TESK2: variants seen among roughly 807,000 people sequenced by gnomAD.
The protein encoded by TESK2 is dual specificity testis-specific protein kinase 2.
In TESK2, 39 loss-of-function variants were observed where a neutral mutation model predicts 57.1. That is an observed-to-expected ratio of 0.68 (90% CI 0.53 to 0.89). TESK2 has a LOEUF of 0.89. TESK2 is among the 40% of genes least tolerant of loss of function. The probability of loss-of-function intolerance (pLI) is 0.00; values close to 1 mark genes in which losing one functional copy is unlikely to be tolerated. For synonymous variants in TESK2, 249 were observed against 267.9 expected, an observed-to-expected ratio of 0.93 and a Z score of 0.69; for missense variants, 646 against 732.1, an observed-to-expected ratio of 0.88 and a Z score of 1.36.
intron 1 of TESK2, among the ~76,000 whole-genome samples, chr1:45,473,145 G>A (rs1263805419): frequency 1.5e-5 from 2 of 135,376 alleles, no homozygotes; most frequent in African/African-American, 2.7e-5. Flanking sequence ...GTAAGACTCC[G>A]TCTCAAAAAA....
At chr1:45,353,997 T>G (rs1457745533) in intron 5 of TESK2, among the ~76,000 whole-genome samples, 1 of 152,202 alleles carries the variant, frequency 6.6e-6, no homozygotes, top group Non-Finnish European at 1.5e-5. Flanking sequence ...CCTAAAAACC[T>G]GCATTCAAGT....
intron 1 of TESK2, among the ~76,000 whole-genome samples, chr1:45,470,459 C>T (rs145794986): frequency 2.0e-5 from 3 of 152,256 alleles, no homozygotes; most frequent in Non-Finnish European, 4.4e-5. Context: ...CCATTCAAAC[C>T]AAAGGCAATC....
chr1:45,369,702 G>C (rs1648096528), intron 4 of TESK2, among the ~76,000 whole-genome samples: 1 of 151,460 alleles, frequency 6.6e-6, no homozygotes, highest in African/African-American at 2.4e-5. Context: ...GGTCTTGAAG[G>C]TAAGATAATT....
At chr1:45,347,780 TACAGACGAGG>T in intron 6 of TESK2, 87 bp from the exon 7 acceptor site, 1 of 1,503,644 alleles carries the variant, frequency 6.7e-7, no homozygotes, top group East Asian at 2.3e-5. Context: ...CAAGGATGGG[TACAGACGAGG>T]ACTAAACAAA....
intron 1 of TESK2, among the ~76,000 whole-genome samples, chr1:45,482,695 T>C (rs2149308378): frequency 6.6e-6 from 1 of 151,472 alleles, no homozygotes. Flanking sequence ...AAATTATACC[T>C]GGGGCCAGGC....
intron 4 of TESK2, 145 bp from the exon 5 acceptor site, chr1:45,355,594 G>T: frequency 1.2e-6 from 1 of 811,316 alleles, no homozygotes; most frequent in Non-Finnish European, 1.9e-6. Context: ...CAAGCACTAT[G>T]GTAGGTGCTG....
At chr1:45,457,459 G>C in intron 2 of TESK2, 105 bp downstream of exon 2, 1 of 990,618 alleles carries the variant, frequency 1.0e-6, no homozygotes, top group South Asian at 1.4e-5. Flanking sequence ...AAGATCCACA[G>C]CACCTTTATT....
At chr1:45,394,067 T>TG (rs1241403137) in intron 3 of TESK2, among the ~76,000 whole-genome samples, 14 of 152,272 alleles carry the variant, frequency 9.2e-5, no homozygotes, top group Admixed American at 9.2e-4. Flanking sequence ...TTAATGCATG[T>TG]GCTTTGAGAG....
At chr1:45,474,290 T>C (rs1392204534) in intron 1 of TESK2, among the ~76,000 whole-genome samples, 1 of 151,954 alleles carries the variant, frequency 6.6e-6, no homozygotes, top group Admixed American at 6.6e-5. Flanking sequence ...TGAGCCAAGA[T>C]TGCACTCTAG....
At chr1:45,362,812 A>C (rs1338992712) in intron 4 of TESK2, among the ~76,000 whole-genome samples, 1 of 152,196 alleles carries the variant, frequency 6.6e-6, no homozygotes, top group African/African-American at 2.4e-5. Flanking sequence ...CACAAAGATA[A>C]ATGGGGCCAG....
chr1:45,416,599 T>A (rs1480121755), intron 3 of TESK2, among the ~76,000 whole-genome samples: 1 of 152,236 alleles, frequency 6.6e-6, no homozygotes, highest in Non-Finnish European at 1.5e-5. Context: ...CTGGATCATA[T>A]AGCAGTTCTA....
intron 1 of TESK2, among the ~76,000 whole-genome samples, chr1:45,464,568 G>A (rs1248102099): frequency 6.6e-6 from 1 of 152,020 alleles, no homozygotes; most frequent in Non-Finnish European, 1.5e-5. Context: ...GTTTGCTGTT[G>A]GCACACAGAA....
chr1:45,410,383 CACCTGAGGTTAGGAGTTCGAG>C (rs1649991311), intron 3 of TESK2, among the ~76,000 whole-genome samples: 1 of 152,006 alleles, frequency 6.6e-6, no homozygotes, highest in South Asian at 2.1e-4. Flanking sequence ...GCAAACGGAT[CACCTGAGGTTAGGAGTTCGAG>C]GCCAGCCTGG....
chr1:45,460,302 G>T (rs868228230), intron 1 of TESK2, among the ~76,000 whole-genome samples: 1 of 152,168 alleles, frequency 6.6e-6, no homozygotes, highest in Non-Finnish European at 1.5e-5. Flanking sequence ...CAGATCACCT[G>T]AGGTCATGAG....
chr1:45,371,660 C>T (rs990638437), intron 4 of TESK2, among the ~76,000 whole-genome samples: 2 of 151,300 alleles, frequency 1.3e-5, no homozygotes, highest in Admixed American at 6.6e-5. Flanking sequence ...CTCAGGAGTT[C>T]GAGACCAGCC....
chr1:45,440,922 C>A (rs186593635), intron 2 of TESK2, among the ~76,000 whole-genome samples: 2 of 152,152 alleles, frequency 1.3e-5, no homozygotes, highest in East Asian at 3.9e-4. Context: ...CAGTGACCTG[C>A]AAGGAACTGA....
chr1:45,446,645 C>A (rs1055754598), intron 2 of TESK2, among the ~76,000 whole-genome samples: 2 of 151,926 alleles, frequency 1.3e-5, no homozygotes, highest in African/African-American at 4.8e-5. Flanking sequence ...AATTAGAAAA[C>A]AATGAACTAT....
intron 2 of TESK2, among the ~76,000 whole-genome samples, chr1:45,426,481 G>C (rs1650692688): frequency 6.6e-6 from 1 of 152,128 alleles, no homozygotes; most frequent in Non-Finnish European, 1.5e-5. Context: ...TTTCGATCTA[G>C]GACCTCAAAC....
chr1:45,388,766 G>T (rs1006020544), intron 3 of TESK2, among the ~76,000 whole-genome samples: 1 of 142,792 alleles, frequency 7.0e-6, no homozygotes, highest in Non-Finnish European at 1.5e-5. Flanking sequence ...TGTTGCCCAG[G>T]CTGGAGTGCA....
Sources: allele counts gnomAD v4.1 joint callset (sites outside exome capture counted in the v4.1 genomes callset), GRCh38; gene constraint gnomAD v4.1.1; transcripts MANE v1.5; gene names NCBI Gene and HGNC (gene_info 2026-07-23, HGNC 2026-07-21).